SEMA6D: variants seen among roughly 807,000 people sequenced by gnomAD.
SEMA6D encodes the protein semaphorin-6D.
A neutral mutation model predicts 106.6 loss-of-function variants in SEMA6D; 35 were observed. That is an observed-to-expected ratio of 0.33 (90% confidence interval 0.25 to 0.44). The LOEUF (loss-of-function observed/expected upper bound fraction) is 0.44. Ranked by LOEUF, SEMA6D falls within the 20% of genes least tolerant of loss-of-function variation. SEMA6D has a pLI of 1.00. For synonymous variants in SEMA6D, 499 were observed against 487.7 expected, an observed-to-expected ratio of 1.02 and a Z score of -0.31; for missense variants, 1,185 against 1,345.9, an observed-to-expected ratio of 0.88 and a Z score of 1.87.
At chr15:47,409,945 A>G (rs1338730702) in intron 1 of SEMA6D, among the ~76,000 whole-genome samples, 2 of 152,070 alleles carry the variant, frequency 1.3e-5, no homozygotes, top group Admixed American at 6.6e-5. Context: ...TAAAAGCTCT[A>G]TGCAACACTT....
chr15:47,521,997 AAAAG>A (rs958304183), intron 3 of SEMA6D, among the ~76,000 whole-genome samples: 3 of 152,122 alleles, frequency 2.0e-5, no homozygotes, highest in Non-Finnish European at 4.4e-5. Context: ...AAAAAAAAAA[AAAAG>A]AAAGATTCAT....
At chr15:47,301,914 A>G (rs1326731117) in intron 1 of SEMA6D, among the ~76,000 whole-genome samples, 3 of 152,244 alleles carry the variant, frequency 2.0e-5, no homozygotes, top group African/African-American at 7.2e-5. Flanking sequence ...ATATAAGACT[A>G]ACCTGTGTAG....
intron 3 of SEMA6D, among the ~76,000 whole-genome samples, chr15:47,580,174 C>T (rs553255121): frequency 1.3e-5 from 2 of 152,090 alleles, no homozygotes; most frequent in African/African-American, 2.4e-5. Context: ...TTATATGGAG[C>T]GGAGGGACAG....
Position 47,294,043 on chromosome 15 carries a change from T to C in SEMA6D, c.-239+109625T>C, listed in dbSNP as rs1339491334. On this transcript the variant is annotated intron_variant, in intron 1 of 19. Coordinates refer to the SEMA6D transcript ENST00000558014. ...GGTTGAAGCAACTTTTTTTTGTTGT[T>C]GTTCACATTCCAACATTCTTAAGAA... is the stretch of plus-strand genomic sequence containing the variant. Among the ~76,000 whole-genome samples the C allele has an allele frequency of 2.0e-5, 3 of 152,144 alleles. No homozygotes were observed. In the East Asian group the frequency reaches 5.8e-4, roughly 29 times the overall value.
At position 47,228,128 on chromosome 15, in the gene SEMA6D, G is replaced by A. The variant is rs28754798; in HGVS notation, c.-239+43710G>A. On this transcript the variant is annotated intron_variant, in intron 1 of 19. Coordinates refer to the SEMA6D transcript ENST00000558014. ...TATATATATAAGAATTCATATATAT[G>A]TGTGTGTGTACACACACACACACAC... Among the ~76,000 whole-genome samples, 24 of 102,364 alleles carry A rather than the reference G, an allele frequency of 2.3e-4. No individual in the cohort carries two copies. The East Asian group carries it at 7.1e-3, about 30-fold the overall frequency. The allele number at this position is 102,364 out of a possible 152,430, so 67.2% of individuals were successfully genotyped here.
chr15:47,227,241 A>C (rs2031743666), intron 1 of SEMA6D, among the ~76,000 whole-genome samples: 1 of 151,978 alleles, frequency 6.6e-6, no homozygotes, highest in South Asian at 2.1e-4. Context: ...CAGCTTAGAA[A>C]AGCTCCTACT....
intron 4 of SEMA6D, among the ~76,000 whole-genome samples, chr15:47,636,418 C>T (rs1313566464): frequency 1.3e-5 from 2 of 152,110 alleles, no homozygotes; most frequent in African/African-American, 4.8e-5. Context: ...CAGACATGAG[C>T]TGAATTATGG....
At chr15:47,514,768 C>T (rs2044335392) in intron 3 of SEMA6D, among the ~76,000 whole-genome samples, 2 of 152,144 alleles carry the variant, frequency 1.3e-5, no homozygotes, top group Admixed American at 6.6e-5. Context: ...AAAAAGCTTT[C>T]AGTGGATCCT....
At chr15:47,230,306 A>T (rs1261926853) in intron 1 of SEMA6D, among the ~76,000 whole-genome samples, 1 of 152,098 alleles carries the variant, frequency 6.6e-6, no homozygotes, top group African/African-American at 2.4e-5. Flanking sequence ...TAATCTATGT[A>T]AAGTTGTATA....
chr15:47,302,419 G>A (rs1325867506), intron 1 of SEMA6D, among the ~76,000 whole-genome samples: 1 of 152,162 alleles, frequency 6.6e-6, no homozygotes, highest in Non-Finnish European at 1.5e-5. Context: ...CAAGAGAAAA[G>A]CATACTAACT....
At chr15:47,687,979 A>G (rs1238308339) in intron 4 of SEMA6D, among the ~76,000 whole-genome samples, 2 of 152,184 alleles carry the variant, frequency 1.3e-5, no homozygotes, top group Admixed American at 6.5e-5. Flanking sequence ...CTATCCAACT[A>G]CAGATGACCA....
intron 1 of SEMA6D, among the ~76,000 whole-genome samples, chr15:47,187,212 C>T (rs926426067): frequency 2.0e-5 from 3 of 152,038 alleles, no homozygotes; most frequent in South Asian, 2.1e-4. Context: ...AAGTAAATAA[C>T]GATTATCTTC....
At chr15:47,577,077 G>A (rs939336758) in intron 3 of SEMA6D, among the ~76,000 whole-genome samples, 3 of 152,178 alleles carry the variant, frequency 2.0e-5, no homozygotes, top group Non-Finnish European at 4.4e-5. Context: ...GTTTGAGTAG[G>A]AATTTGTGCC....
intron 1 of SEMA6D, among the ~76,000 whole-genome samples, chr15:47,256,929 A>G (rs965985918): frequency 6.6e-6 from 1 of 152,200 alleles, no homozygotes. Flanking sequence ...TATGTATTCC[A>G]TCATGTCATT....
At chr15:47,536,614 A>G (rs916320849) in intron 3 of SEMA6D, among the ~76,000 whole-genome samples, 1 of 152,202 alleles carries the variant, frequency 6.6e-6, no homozygotes, top group Admixed American at 6.5e-5. Flanking sequence ...AATATATCTT[A>G]TTATTGGTCT....
intron 2 of SEMA6D, among the ~76,000 whole-genome samples, chr15:47,441,011 G>A (rs574636479): frequency 6.6e-6 from 1 of 152,128 alleles, no homozygotes; most frequent in East Asian, 1.9e-4. Flanking sequence ...TTTTGCCTTT[G>A]AAATGTTACC....
chr15:47,376,659 C>T (rs532865023), intron 1 of SEMA6D, among the ~76,000 whole-genome samples: 1 of 152,318 alleles, frequency 6.6e-6, no homozygotes, highest in South Asian at 2.1e-4. Context: ...AACAACTCTA[C>T]CCAGACAATG....
intron 1 of SEMA6D, among the ~76,000 whole-genome samples, chr15:47,395,214 C>T (rs2040173869): frequency 6.6e-6 from 1 of 152,148 alleles, no homozygotes; most frequent in Non-Finnish European, 1.5e-5. Context: ...CTAACAAGCA[C>T]AGTGAGGGGG....
chr15:47,763,090 A>G lies in SEMA6D; in HGVS notation c.733A>G (p.Asn245Asp). Reference protein sequence around the residue: ...FFFREIAVEHNNLGKAVYSRV... With the variant: ...FFFREIAVEHDNLGKAVYSRV... ...CTTTCGAGAAATCGCTGTCGAACAT[A>G]ATAATTTAGGCAAGGCAAGTATATG... is the stretch of plus-strand genomic sequence containing the variant. The change falls in exon 9 of 19, where the codon AAT becomes GAT. Residue 245 changes from asparagine (N) to aspartate (D), a missense_variant. Transcript: ENST00000536845. 4 of 1,612,122 alleles carry G rather than the reference A, an allele frequency of 2.5e-6. No homozygotes were observed. The highest frequency in any genetic ancestry group is 3.4e-6 in the Non-Finnish European group (4 of 1,178,902).
Sources: allele counts gnomAD v4.1 joint callset (sites outside exome capture counted in the v4.1 genomes callset), GRCh38; gene constraint gnomAD v4.1.1; transcripts MANE v1.5; gene names NCBI Gene and HGNC (gene_info 2026-07-23, HGNC 2026-07-21).